SYNGR2: variants seen among roughly 807,000 people sequenced by gnomAD.
SYNGR2 encodes the protein synaptogyrin-2.
Under a neutral mutation model 18.7 loss-of-function variants are expected in SYNGR2, and 11 were observed. The ratio of observed to expected loss-of-function variants is 0.59; its 90% CI spans 0.37 to 0.97. SYNGR2 has a LOEUF of 0.97. Among genes scored for constraint, SYNGR2 ranks in the 50% least tolerant of loss-of-function variants. The probability of loss-of-function intolerance (pLI) is 0.01; values close to 1 mark genes in which losing one functional copy is unlikely to be tolerated. For synonymous variants in SYNGR2, 127 were observed against 131.0 expected, an observed-to-expected ratio of 0.97 and a Z score of 0.21; for missense variants, 253 against 300.7, an observed-to-expected ratio of 0.84 and a Z score of 1.17.
Position 78,170,823 on chromosome 17 carries a change from G to T in SYNGR2, c.106G>T (p.Ala36Ser). The T allele has an allele frequency of 6.2e-7, 1 of 1,608,186 alleles. No individual in the cohort carries two copies. The change falls in exon 2 of 4, where the codon GCC becomes TCC. Residue 36 changes from alanine (A) to serine (S), a missense_variant. Coordinates refer to ENST00000225777, the MANE Select transcript of SYNGR2 (RefSeq NM_004710.7). ...GGTCCTCCCCTCCCGGCAGGTCTTC[G>T]CCTTGATCGTGTTCTCCTGCATCTA... ...VVARAVCLVFALIVFSCIYGE... is the reference protein window; with the variant it reads ...VVARAVCLVFSLIVFSCIYGE...
In SYNGR2 at chr17:78,172,225, C is replaced by T; in HGVS notation, c.*289C>T. The T allele has an allele frequency of 3.1e-6, 2 of 637,296 alleles. No individual in the cohort carries two copies. The highest frequency in any genetic ancestry group is 5.2e-6 in the Non-Finnish European group (2 of 383,990). The allele number at this position is 637,296 out of a possible 1,614,324, so 39.5% of individuals were successfully genotyped here. ...ATGACCTCAGCCCCGCCTGCAGTGGCTAGAAGCCAGCAGGTGCCCATGTGC... is the reference window on the plus strand; with the variant it reads ...ATGACCTCAGCCCCGCCTGCAGTGGTTAGAAGCCAGCAGGTGCCCATGTGC... On this transcript the variant is annotated 3_prime_UTR_variant, in exon 4 of 4. Transcript: ENST00000225777.
Position 78,171,795 on chromosome 17 carries a change from C to G in SYNGR2, c.534C>G (p.Ile178Met). Residue 178 changes from isoleucine (I) to methionine (M), a missense_variant, in exon 4 of 4, where the codon ATC becomes ATG. By Grantham distance (10) the Ile-to-Met change is conservative (BLOSUM62 1). Transcript: ENST00000225777. This position sits in a 1 kb window ranked among gnomAD's most constrained non-coding sequence, Gnocchi z 6.6. ...QRYKAGVDDFIQNYVDPTPDP... is the reference protein window; with the variant it reads ...QRYKAGVDDFMQNYVDPTPDP... ...ACAAGGCTGGCGTGGACGACTTCAT[C>G]CAGAATTACGTTGACCCCACTCCGG... 1 of 1,614,138 alleles carries G rather than the reference C, an allele frequency of 6.2e-7. No homozygotes were observed. The highest frequency in any genetic ancestry group is 8.5e-7 in the Non-Finnish European group (1 of 1,180,012).
upstream of SYNGR2, chr17:78,168,576 C>T (rs2075634595): frequency 1.1e-5 from 13 of 1,150,384 alleles, no homozygotes; most frequent in South Asian, 4.3e-5. Context: ...CGGGCAGGTT[C>T]CTCTGCGTTC....
chr17:78,171,814 A>G lies in SYNGR2; in HGVS notation c.553A>G (p.Thr185Ala), dbSNP rs771516867. 1 of 1,613,630 alleles carries G rather than the reference A, an allele frequency of 6.2e-7. No individual in the cohort carries two copies. Among genetic ancestry groups the G allele is most frequent in the Admixed American group, 1.7e-5 (1 of 59,976 alleles). Residue 185 changes from threonine (T) to alanine (A), a missense_variant, in exon 4 of 4, where the codon ACT becomes GCT. Physicochemically the swap from Thr to Ala is moderately conservative, Grantham distance 58. Transcript: ENST00000225777. This position sits in a 1 kb window ranked among gnomAD's most constrained non-coding sequence, Gnocchi z 6.6. The stretch of plus-strand genomic sequence containing the variant: ...CTTCATCCAGAATTACGTTGACCCC[A>G]CTCCGGACCCCAACACTGCCTACGC... ...DDFIQNYVDPTPDPNTAYASY... is the reference protein window; with the variant it reads ...DDFIQNYVDPAPDPNTAYASY...
At chr17:78,170,657 C>A in intron 1 of SYNGR2, 160 bp from the exon 2 acceptor site, 1 of 692,924 alleles carries the variant, frequency 1.4e-6, no homozygotes, top group Non-Finnish European at 2.5e-6. Context: ...TGCACTCCAG[C>A]CTGGGCAACA....
In SYNGR2 at chr17:78,171,837, C is replaced by T. The variant is rs144755412; in HGVS notation, c.576C>T (p.Tyr192=). 617 of 1,614,148 alleles carry T rather than the reference C, an allele frequency of 3.8e-4. No individual in the cohort carries two copies. The highest frequency in any genetic ancestry group is 2.2e-3 in the African/African-American group (165 of 75,040). Residue 192 remains tyrosine, a synonymous_variant, in exon 4 of 4, where the codon TAC becomes TAT. Coordinates refer to ENST00000225777, the MANE Select transcript of SYNGR2 (RefSeq NM_004710.7). This position sits in a 1 kb window ranked among gnomAD's most constrained non-coding sequence, Gnocchi z 6.6. Reference sequence around the variant, plus strand: ...CCACTCCGGACCCCAACACTGCCTACGCCTCCTACCCAGGTGCATCTGTGG... The same window carrying T: ...CCACTCCGGACCCCAACACTGCCTATGCCTCCTACCCAGGTGCATCTGTGG... ...VDPTPDPNTA[Y]ASYPGASVDN...
upstream of SYNGR2, chr17:78,168,577 C>A (rs752828607): frequency 1.7e-6 from 2 of 1,161,026 alleles, no homozygotes; most frequent in Non-Finnish European, 2.1e-6. Context: ...GGGCAGGTTC[C>A]TCTGCGTTCC....
Position 78,172,007 on chromosome 17 carries a change from TG to T in SYNGR2, c.*73del. On this transcript the variant is annotated 3_prime_UTR_variant, in exon 4 of 4. Coordinates refer to ENST00000225777, the MANE Select transcript of SYNGR2 (RefSeq NM_004710.7). Reference sequence around the variant, plus strand: ...GCCCTGGACTTTCCCATGAGCCTCCTGGAACTGCCAGCCCCTCTCTTTCACC... The same window carrying T: ...GCCCTGGACTTTCCCATGAGCCTCCTGAACTGCCAGCCCCTCTCTTTCACC... 6.3e-7 allele frequency: 1 copy of T among 1,599,038 alleles called. No homozygotes were observed.
At position 78,171,789 on chromosome 17, in the gene SYNGR2, C is replaced by G. The variant is rs1353885969; in HGVS notation, c.528C>G (p.Asp176Glu). 1 of 1,614,128 alleles carries G rather than the reference C, an allele frequency of 6.2e-7. No homozygotes were observed. Among genetic ancestry groups the G allele is most frequent in the South Asian group, 1.1e-5 (1 of 91,086 alleles). The change falls in exon 4 of 4, where the codon GAC becomes GAG. Residue 176 changes from aspartate (D) to glutamate (E), a missense_variant. Physicochemically the swap from Asp to Glu is conservative, Grantham distance 45 (BLOSUM62 2). Coordinates refer to ENST00000225777, the MANE Select transcript of SYNGR2 (RefSeq NM_004710.7). The surrounding 1 kb of genome is among the most constrained non-coding windows in gnomAD (Gnocchi z 6.6). ...AYQRYKAGVDDFIQNYVDPTP... is the reference protein window; with the variant it reads ...AYQRYKAGVDEFIQNYVDPTP... ...AGCGCTACAAGGCTGGCGTGGACGACTTCATCCAGAATTACGTTGACCCCA... is the reference window on the plus strand; with the variant it reads ...AGCGCTACAAGGCTGGCGTGGACGAGTTCATCCAGAATTACGTTGACCCCA...
chr17:78,171,343 G>T lies in SYNGR2; in HGVS notation c.338-167G>T. On this transcript the variant is annotated intron_variant, in intron 2 of 3. Transcript: ENST00000225777. This position sits in a 1 kb window ranked among gnomAD's most constrained non-coding sequence, Gnocchi z 6.6. Reference sequence around the variant, plus strand: ...TGTGGCCCACCCTGCCAAGGCCCGAGTGTGGGGGACTTTGGAGGTGGCTCC... The same window carrying T: ...TGTGGCCCACCCTGCCAAGGCCCGATTGTGGGGGACTTTGGAGGTGGCTCC... 4.7e-6 allele frequency: 4 copies of T among 853,514 alleles called. No homozygotes were observed. The highest frequency in any genetic ancestry group is 7.0e-6 in the Non-Finnish European group (4 of 568,774). 52.9% of individuals were successfully genotyped at this position (853,514 alleles called of 1,614,324 possible).
chr17:78,171,686 G>A lies in SYNGR2; in HGVS notation c.477+37G>A. On this transcript the variant is annotated intron_variant, in intron 3 of 3. Transcript: ENST00000225777. The surrounding 1 kb of genome is among the most constrained non-coding windows in gnomAD (Gnocchi z 6.6). ...AGGGGCCGGTTCTTGGGTCAAGGGT[G>A]GTGGAGGGTGGGGTCCCCCACCCAC... is the stretch of plus-strand genomic sequence containing the variant. 5.0e-6 allele frequency: 8 copies of A among 1,611,124 alleles called. No homozygotes were observed. The highest frequency in any genetic ancestry group is 5.9e-6 in the Non-Finnish European group (7 of 1,177,742).
intron 1 of SYNGR2, chr17:78,169,162 G>A (rs1293820380): frequency 6.6e-6 from 1 of 152,396 alleles, no homozygotes; most frequent in East Asian, 1.9e-4. Context: ...TTCCCACTCG[G>A]GGCAGGCCAC....
At position 78,171,876 on chromosome 17, in the gene SYNGR2, G is replaced by C; in HGVS notation, c.615G>C (p.Gln205His). 1 of 1,614,084 alleles carries C rather than the reference G, an allele frequency of 6.2e-7. No homozygotes were observed. Among genetic ancestry groups the C allele is most frequent in the Non-Finnish European group, 8.5e-7 (1 of 1,180,010 alleles). The change falls in exon 4 of 4, where the codon CAG becomes CAC. Residue 205 changes from glutamine (Q) to histidine (H), a missense_variant. Coordinates refer to ENST00000225777, the MANE Select transcript of SYNGR2 (RefSeq NM_004710.7). The surrounding 1 kb of genome is among the most constrained non-coding windows in gnomAD (Gnocchi z 6.6). ...GTGCATCTGTGGACAACTACCAACAGCCACCCTTCACCCAGAACGCGGAGA... is the reference window on the plus strand; with the variant it reads ...GTGCATCTGTGGACAACTACCAACACCCACCCTTCACCCAGAACGCGGAGA... ...YPGASVDNYQ[Q>H]PPFTQNAETT...
rs902633943 is a variant in SYNGR2, at chr17:78,168,629, G to C, written c.13G>C (p.Ala5Pro). Residue 5 changes from alanine (A) to proline (P), a missense_variant, in exon 1 of 4, where the codon GCC becomes CCC. Physicochemically the swap from Ala to Pro is conservative, Grantham distance 27. Transcript: ENST00000225777. ...CGGCGACGGCGACATGGAGAGCGGG[G>C]CCTACGGCGCGGCCAAGGCGGGCGG... Reference protein sequence around the residue: MESGAYGAAKAGGSF... With the variant: MESGPYGAAKAGGSF... 5.8e-6 allele frequency: 7 copies of C among 1,204,064 alleles called. No homozygotes were observed. In the African/African-American group the frequency reaches 9.5e-5, roughly 16 times the overall value. The allele number at this position is 1,204,064 out of a possible 1,614,324, so 74.6% of individuals were successfully genotyped here.
rs763420062 is a variant in SYNGR2 at position 78,171,836 on chromosome 17, A to G, written c.575A>G (p.Tyr192Cys). The part of the protein sequence containing the change: ...VDPTPDPNTA[Y>C]ASYPGASVDN... Reference sequence around the variant, plus strand: ...CCCACTCCGGACCCCAACACTGCCTACGCCTCCTACCCAGGTGCATCTGTG... The same window carrying G: ...CCCACTCCGGACCCCAACACTGCCTGCGCCTCCTACCCAGGTGCATCTGTG... The change falls in exon 4 of 4, where the codon TAC (tyrosine) becomes TGC (cysteine). Residue 192 changes from tyrosine to cysteine, a missense_variant. Physicochemically the swap from Tyr to Cys is radical, Grantham distance 194 (BLOSUM62 -2). Transcript: ENST00000225777. The surrounding 1 kb of genome is among the most constrained non-coding windows in gnomAD (Gnocchi z 6.6). 4 of 1,613,920 alleles carry G rather than the reference A, an allele frequency of 2.5e-6. No homozygotes were observed. The South Asian group carries it at 4.4e-5, about 18-fold the overall frequency.
At position 78,171,921 on chromosome 17, in the gene SYNGR2, G is replaced by A. The variant is rs573773810; in HGVS notation, c.660G>A (p.Pro220=). Residue 220 remains proline, a synonymous_variant, in exon 4 of 4, where the codon CCG becomes CCA. Coordinates refer to ENST00000225777, the MANE Select transcript of SYNGR2 (RefSeq NM_004710.7). The surrounding 1 kb of genome is among the most constrained non-coding windows in gnomAD (Gnocchi z 6.6). ...CGGAGACCACCGAGGGCTACCAGCC[G>A]CCCCCTGTGTACTGAGCGGCGGTTA... The part of the protein sequence containing the change: ...QNAETTEGYQ[P]PPVY 46 of 1,613,310 alleles carry A rather than the reference G, an allele frequency of 2.9e-5. No homozygotes were observed. The highest frequency in any genetic ancestry group is 4.4e-5 in the South Asian group (4 of 91,060).
chr17:78,169,261 TGTGTGTGTGTG>T (rs1567826177), intron 1 of SYNGR2: 27 of 38,290 alleles, frequency 7.1e-4, no homozygotes, highest in African/African-American at 3.9e-3. Context: ...AGGTTTTGTG[TGTGTGTGTGTG>T]TGGCGGGGAG....
At position 78,172,486 on chromosome 17, in the gene SYNGR2, G is replaced by C. The variant is rs2145817955; in HGVS notation, c.*550G>C. Reference sequence around the variant, plus strand: ...GCTGCCTCCCGTGGTGTGAGGGCGGGGCTGGTGCTCATGGCACTTCCTCCT... The same window carrying C: ...GCTGCCTCCCGTGGTGTGAGGGCGGCGCTGGTGCTCATGGCACTTCCTCCT... On this transcript the variant is annotated 3_prime_UTR_variant, in exon 4 of 4. Coordinates refer to ENST00000225777, the MANE Select transcript of SYNGR2 (RefSeq NM_004710.7). 1 of 163,586 alleles carries C rather than the reference G, an allele frequency of 6.1e-6. No individual in the cohort carries two copies. The highest frequency in any genetic ancestry group is 2.4e-5 in the African/African-American group (1 of 41,916). 10.1% of individuals were successfully genotyped at this position (163,586 alleles called of 1,614,324 possible). A position where few individuals can be genotyped will look rare whatever the true frequency, so the allele number is the denominator to read the frequency against.
In SYNGR2 at chr17:78,171,438, C is replaced by A. The variant is rs560263860; in HGVS notation, c.338-72C>A. The A allele has an allele frequency of 1.3e-6, 2 of 1,499,700 alleles. No individual in the cohort carries two copies. Among genetic ancestry groups the A allele is most frequent in the South Asian group, 1.4e-5 (1 of 72,320 alleles). 92.9% of individuals were successfully genotyped at this position (1,499,700 alleles called of 1,614,324 possible). A position where few individuals can be genotyped will look rare whatever the true frequency, so the allele number is the denominator to read the frequency against. On this transcript the variant is annotated intron_variant, in intron 2 of 3. Coordinates refer to ENST00000225777, the MANE Select transcript of SYNGR2 (RefSeq NM_004710.7). The surrounding 1 kb of genome is among the most constrained non-coding windows in gnomAD (Gnocchi z 6.6). ...CCGGGAGGTCCCTGCCCTACCTGCCCGCGTCCCCTCCCAGAGTCCTGGAAA... is the reference window on the plus strand; with the variant it reads ...CCGGGAGGTCCCTGCCCTACCTGCCAGCGTCCCCTCCCAGAGTCCTGGAAA...
Sources: gnomAD v4.1 joint callset for allele counts on GRCh38, gnomAD v4.1.1 for gene constraint, Gnocchi (gnomAD v3.1) non-coding constraint, MANE v1.5 for transcripts, NCBI Gene and HGNC (gene_info 2026-07-23, HGNC 2026-07-21) for gene names.